Variants in ATXN7 observed in about 807,000 individuals in gnomAD.
The protein encoded by ATXN7 is ataxin 7.
ATXN7 carries 12 observed loss-of-function variants against 70.5 expected under a neutral mutation model. That is an observed-to-expected ratio of 0.17 (90% CI 0.11 to 0.28). ATXN7 has a LOEUF of 0.28. Ranked by LOEUF, ATXN7 falls within the 10% of genes least tolerant of loss-of-function variation. The probability of loss-of-function intolerance (pLI) is 1.00; values close to 1 mark genes in which losing one functional copy is unlikely to be tolerated. For synonymous variants in ATXN7, 498 were observed against 448.7 expected (o/e 1.11, Z -1.39); for missense variants, 1,256 against 1,131.7 (o/e 1.11, Z -1.58).
intron 5 of ATXN7, among the ~76,000 whole-genome samples, chr3:63,960,500 G>A (rs1278373065): frequency 6.6e-6 from 1 of 152,202 alleles, no homozygotes; most frequent in Admixed American, 6.5e-5. Flanking sequence ...ACTAGTTAAG[G>A]TGAGAGCTGG....
At chr3:63,931,490 AGGACACTTCG>A (rs1704958594) in intron 4 of ATXN7, among the ~76,000 whole-genome samples, 1 of 152,208 alleles carries the variant, frequency 6.6e-6, no homozygotes, top group East Asian at 1.9e-4. Context: ...GAGGCCATAG[AGGACACTTCG>A]GGACTTTCTC....
At chr3:63,886,691 T>C (rs2107235403) in intron 1 of ATXN7, among the ~76,000 whole-genome samples, 1 of 152,314 alleles carries the variant, frequency 6.6e-6, no homozygotes, top group Middle Eastern at 3.4e-3. Context: ...AAATTGAAAG[T>C]TTATTTTTAA....
intron 5 of ATXN7, among the ~76,000 whole-genome samples, chr3:63,961,217 A>T (rs1013599075): frequency 6.6e-6 from 1 of 152,198 alleles, no homozygotes; most frequent in African/African-American, 2.4e-5. Context: ...ATTCAGTGTG[A>T]ATTTACATTT....
At chr3:63,952,560 G>A in intron 5 of ATXN7, 77 bp downstream of exon 5, 1 of 977,396 alleles carries the variant, frequency 1.0e-6, no homozygotes, top group Non-Finnish European at 1.5e-6. Context: ...AACAGTGATG[G>A]CATGCATGGG....
chr3:64,002,738 G>A lies in ATXN7; in HGVS notation c.*3271G>A, dbSNP rs1437300780. Reference sequence around the variant, plus strand: ...ACCACCAATGCTGGTAATTTTATAAGGTATTTTAAAATTAAGACCTCTTGG... The same window carrying A: ...ACCACCAATGCTGGTAATTTTATAAAGTATTTTAAAATTAAGACCTCTTGG... On this transcript the variant is annotated 3_prime_UTR_variant, in exon 13 of 13. Transcript: ENST00000674280. The A allele has an allele frequency of 6.6e-6, 1 of 151,994 alleles. No homozygotes were observed. Among genetic ancestry groups the A allele is most frequent in the East Asian group, 1.9e-4 (1 of 5,190 alleles). 9.4% of individuals were successfully genotyped at this position (151,994 alleles called of 1,614,324 possible).
intron 5 of ATXN7, among the ~76,000 whole-genome samples, chr3:63,960,488 A>G (rs1206153514): frequency 2.6e-5 from 4 of 152,188 alleles, no homozygotes; most frequent in Non-Finnish European, 5.9e-5. Flanking sequence ...GAGCTGTTTT[A>G]TACTAGTTAA....
chr3:63,967,738 C>T (rs2075249797), intron 5 of ATXN7: 13 of 1,396,220 alleles, frequency 9.3e-6, no homozygotes, highest in Non-Finnish European at 9.3e-6. Context: ...TTAGACTCCA[C>T]CCCCTGTTTT....
At chr3:63,925,342 A>G (rs1704674165) in intron 4 of ATXN7, among the ~76,000 whole-genome samples, 1 of 152,180 alleles carries the variant, frequency 6.6e-6, no homozygotes, top group South Asian at 2.1e-4. Flanking sequence ...GTACCCGCCT[A>G]TGGCCTGTTA....
At chr3:63,970,793 T>C in intron 5 of ATXN7, among the ~76,000 whole-genome samples, 1 of 152,242 alleles carries the variant, frequency 6.6e-6, no homozygotes, top group East Asian at 1.9e-4. Context: ...CTTTGTGATC[T>C]GTTCTCTTTC....
intron 1 of ATXN7, among the ~76,000 whole-genome samples, chr3:63,884,225 ACAC>A (rs1559619549): frequency 6.8e-6 from 1 of 147,994 alleles, no homozygotes; most frequent in East Asian, 2.0e-4. Flanking sequence ...ACACACACAC[ACAC>A]ACACACACAC....
chr3:63,919,098 G>T (rs1440332600), intron 4 of ATXN7, among the ~76,000 whole-genome samples: 1 of 152,166 alleles, frequency 6.6e-6, no homozygotes, highest in African/African-American at 2.4e-5. Flanking sequence ...AATCTTGCCT[G>T]CATGGTTTTT....
intron 1 of ATXN7, among the ~76,000 whole-genome samples, chr3:63,876,548 CA>C (rs1702753795): frequency 6.6e-6 from 1 of 152,148 alleles, no homozygotes; most frequent in African/African-American, 2.4e-5. Context: ...CACTACAAGA[CA>C]GTGAATAACA....
At chr3:63,977,097 T>C (rs1460912088) in intron 5 of ATXN7, among the ~76,000 whole-genome samples, 2 of 152,150 alleles carry the variant, frequency 1.3e-5, no homozygotes, top group Non-Finnish European at 1.5e-5. Context: ...CTGAGGTAGA[T>C]GGTGGAAGTT....
Position 63,995,580 on chromosome 3 carries a change from A to C in ATXN7, c.1758A>C (p.Thr586=). Residue 586 remains threonine, a synonymous_variant, in exon 12 of 13, where the codon ACA becomes ACC. Coordinates refer to ENST00000674280, the MANE Select transcript of ATXN7 (RefSeq NM_001377405.1). ...RIPHRTNSVP[T]SQCGVSYLAA... The stretch of plus-strand genomic sequence containing the variant: ...CTCACCGGACAAACTCTGTGCCGAC[A>C]TCACAATGTGGAGTCAGCTATCTGG... 6.2e-7 allele frequency: 1 copy of C among 1,614,180 alleles called. No homozygotes were observed. Among genetic ancestry groups the C allele is most frequent in the Non-Finnish European group, 8.5e-7 (1 of 1,180,014 alleles).
At chr3:63,863,761 C>A, upstream of ATXN7, 1 of 1,249,848 alleles carries the variant, frequency 8.0e-7, no homozygotes, top group Non-Finnish European at 1.0e-6. Context: ...TGGCGGCGAG[C>A]GGGGCCTCAC....
At chr3:63,883,551 AC>A (rs1702983503) in intron 1 of ATXN7, among the ~76,000 whole-genome samples, 4 of 151,812 alleles carry the variant, frequency 2.6e-5, no homozygotes, top group South Asian at 4.2e-4. Flanking sequence ...AAAAAAAAAA[AC>A]AAACTAGTTG....
At chr3:63,987,704 A>G (rs1420650486) in intron 8 of ATXN7, among the ~76,000 whole-genome samples, 1 of 152,164 alleles carries the variant, frequency 6.6e-6, no homozygotes, top group Non-Finnish European at 1.5e-5. Context: ...AATGGAGTCA[A>G]TAAGAGCCCC....
intron 5 of ATXN7, among the ~76,000 whole-genome samples, chr3:63,955,745 A>C (rs1417505166): frequency 1.3e-5 from 2 of 152,178 alleles, no homozygotes; most frequent in African/African-American, 4.8e-5. Flanking sequence ...ATTTTCTTTC[A>C]GTGATATTGG....
intron 5 of ATXN7, chr3:63,967,846 C>T: frequency 1.3e-6 from 2 of 1,528,456 alleles, no homozygotes; most frequent in Non-Finnish European, 8.8e-7. Flanking sequence ...AGTTGGTGGG[C>T]AGACCCAAAT....
Sources: gnomAD v4.1 joint callset for allele counts (sites outside exome capture counted in the v4.1 genomes callset) on GRCh38, gnomAD v4.1.1 for gene constraint, MANE v1.5 for transcripts, NCBI Gene and HGNC (gene_info 2026-07-23, HGNC 2026-07-21) for gene names.